ATP6V0A4: variants seen among roughly 807,000 people sequenced by gnomAD.
ATP6V0A4 encodes the protein V-type proton ATPase 116 kDa subunit a 4.
In ATP6V0A4, 86 loss-of-function variants were observed where a neutral mutation model predicts 107.3. The observed-to-expected ratio is 0.80, with a 90% confidence interval of 0.67 to 0.96. The LOEUF (loss-of-function observed/expected upper bound fraction) is 0.96. Ranked by LOEUF, ATP6V0A4 falls within the 40% of genes least tolerant of loss-of-function variation. The pLI is 0.00. For missense variants in ATP6V0A4, 908 were observed against 1,045.6 expected, an observed-to-expected ratio of 0.87 and a Z score of 1.81; for synonymous variants, 353 against 381.4, an observed-to-expected ratio of 0.93 and a Z score of 0.87.
At chr7:138,747,183 T>C (rs567934258) in intron 13 of ATP6V0A4, among the ~76,000 whole-genome samples, 1 of 152,022 alleles carries the variant, frequency 6.6e-6, no homozygotes, top group East Asian at 1.9e-4. Context: ...AAATATATAA[T>C]GAAAAAGAAA....
intron 8 of ATP6V0A4, 160 bp from the exon 9 acceptor site, chr7:138,756,700 G>T: frequency 3.5e-6 from 2 of 575,674 alleles, no homozygotes; most frequent in Non-Finnish European, 4.4e-6. Flanking sequence ...ATAGCTCACA[G>T]TTGAGAGCAA....
At chr7:138,792,778 G>GTTTTTTTTTTTT in intron 1 of ATP6V0A4, among the ~76,000 whole-genome samples, 1 of 48,040 alleles carries the variant, frequency 2.1e-5, no homozygotes, top group Middle Eastern at 7.9e-3. Flanking sequence ...TTTTTTTTTT[G>GTTTTTTTTTTTT]TTGTTTTGTT....
At chr7:138,747,198 G>A (rs1323893181) in intron 13 of ATP6V0A4, among the ~76,000 whole-genome samples, 2 of 152,020 alleles carry the variant, frequency 1.3e-5, no homozygotes, top group Non-Finnish European at 2.9e-5. Context: ...AAGAAAAATC[G>A]ATGCCTTATC....
At position 138,798,083 on chromosome 7, in the gene ATP6V0A4, G is replaced by T. The variant is rs754754948; in HGVS notation, c.-170C>A. On this transcript the variant is annotated 5_prime_UTR_variant, in exon 1 of 22. Transcript: ENST00000310018. ...CCGCAGGACCGGCTCACCTGCACCG[G>T]GCACTCAGCACAGCCTCCAGCATGC... The T allele has an allele frequency of 3.2e-6, 5 of 1,585,908 alleles. No homozygotes were observed. The highest frequency in any genetic ancestry group is 4.3e-6 in the Non-Finnish European group (5 of 1,166,720).
intron 8 of ATP6V0A4, among the ~76,000 whole-genome samples, chr7:138,757,398 C>T (rs1305556157): frequency 3.3e-5 from 5 of 152,038 alleles, no homozygotes; most frequent in Non-Finnish European, 7.4e-5. Context: ...CACCTGTGGT[C>T]CCAGCTACCA....
intron 2 of ATP6V0A4, among the ~76,000 whole-genome samples, chr7:138,780,728 G>A (rs547101552): frequency 3.1e-3 from 476 of 152,068 alleles, no homozygotes; most frequent in African/African-American, 0.01. Flanking sequence ...ACATAGTGAG[G>A]CCTCATCTCT....
chr7:138,759,052 A>ATTTTTT (rs33940158), intron 8 of ATP6V0A4, among the ~76,000 whole-genome samples: 19 of 54,568 alleles, frequency 3.5e-4, no homozygotes, highest in African/African-American at 1.6e-3. Context: ...TGCCCAGCCT[A>ATTTTTT]TTTTTTTTTT....
rs1459210964 is a variant in ATP6V0A4, at chr7:138,773,145, C to T, written c.-17-1881G>A. Among the ~76,000 whole-genome samples the T allele has an allele frequency of 6.6e-6, 1 of 152,198 alleles. No homozygotes were observed. The highest frequency in any genetic ancestry group is 1.5e-5 in the Non-Finnish European group (1 of 68,034). On this transcript the variant is annotated intron_variant, in intron 2 of 21. Transcript: ENST00000310018. This position sits in a 1 kb window ranked among gnomAD's most constrained non-coding sequence, Gnocchi z 5.4. ...GCTCGATACTGGGCCTACCCATTGTCCCAGTTTCACACAGGACCAACTCTA... is the reference window on the plus strand; with the variant it reads ...GCTCGATACTGGGCCTACCCATTGTTCCAGTTTCACACAGGACCAACTCTA...
chr7:138,722,049 G>A (rs1314244579), intron 18 of ATP6V0A4, 24 bp from the exon 19 acceptor site: 1 of 1,613,798 alleles, frequency 6.2e-7, no homozygotes. Context: ...GGGAAATGAG[G>A]AATGCGCTCA....
chr7:138,718,596 G>GAATGGGGAGC (rs1804254114), intron 19 of ATP6V0A4, among the ~76,000 whole-genome samples: 1 of 95,230 alleles, frequency 1.1e-5, no homozygotes, highest in Non-Finnish European at 2.0e-5. Flanking sequence ...GAATGGGGAG[G>GAATGGGGAGC]AATGGGGAGG....
At chr7:138,749,019 T>C (rs1462808202) in intron 12 of ATP6V0A4, 148 bp downstream of exon 12, 8 of 1,067,200 alleles carry the variant, frequency 7.5e-6, no homozygotes, top group Non-Finnish European at 9.9e-6. Flanking sequence ...GCCCCTACTA[T>C]CCTACTTATT....
chr7:138,715,152 G>A (rs192693602), intron 20 of ATP6V0A4, among the ~76,000 whole-genome samples: 13 of 152,316 alleles, frequency 8.5e-5, no homozygotes, highest in African/African-American at 3.1e-4. Flanking sequence ...TTGATTTTAG[G>A]ACTCTGGCTT....
In ATP6V0A4 at chr7:138,706,482, C is replaced by T. The variant is rs1037724632; in HGVS notation, c.*142G>A. 48 of 1,030,996 alleles carry T rather than the reference C, an allele frequency of 4.7e-5. 1 individual carries two copies. The Admixed American group carries it at 7.9e-4, about 17-fold the overall frequency. 63.9% of individuals were successfully genotyped at this position (1,030,996 alleles called of 1,614,324 possible). ...AAGTCGTATCAAATCCACAGGCTGA[C>T]GTCCAAATAATACACAGTTTCATGC... On this transcript the variant is annotated 3_prime_UTR_variant, in exon 22 of 22. Coordinates refer to ENST00000310018, the MANE Select transcript of ATP6V0A4 (RefSeq NM_020632.3).
chr7:138,739,439 T>G, intron 15 of ATP6V0A4, 101 bp downstream of exon 15: 1 of 1,405,690 alleles, frequency 7.1e-7, no homozygotes, highest in Admixed American at 1.9e-5. Context: ...TCAACACAAG[T>G]TTGTTGATTT....
At chr7:138,740,356 C>T (rs915502170) in intron 14 of ATP6V0A4, among the ~76,000 whole-genome samples, 3 of 151,828 alleles carry the variant, frequency 2.0e-5, no homozygotes, top group African/African-American at 7.3e-5. Flanking sequence ...AACATGTAGC[C>T]CATTGTATGT....
At chr7:138,730,566 G>C (rs1290175545) in intron 17 of ATP6V0A4, among the ~76,000 whole-genome samples, 4 of 152,074 alleles carry the variant, frequency 2.6e-5, no homozygotes, top group Non-Finnish European at 4.4e-5. Flanking sequence ...TAATGCTTTT[G>C]AATGGAAAAA....
At chr7:138,753,433 T>C (rs78137471) in intron 10 of ATP6V0A4, among the ~76,000 whole-genome samples, 1,682 of 152,264 alleles carry the variant, frequency 0.011, 32 homozygotes, top group African/African-American at 0.037. Context: ...TCCAGAACCA[T>C]GACAGAATAA....
chr7:138,707,350 AATAT>A (rs1181535822), intron 21 of ATP6V0A4, among the ~76,000 whole-genome samples: 2 of 90,394 alleles, frequency 2.2e-5, no homozygotes, highest in Non-Finnish European at 4.0e-5. Flanking sequence ...TATATATTAT[AATAT>A]ATATTATATT....
chr7:138,781,421 C>G (rs1009145571), intron 2 of ATP6V0A4, among the ~76,000 whole-genome samples: 34 of 152,124 alleles, frequency 2.2e-4, no homozygotes, highest in African/African-American at 8.0e-4. Flanking sequence ...GCCTCCACCT[C>G]CTGGGTTCAA....
Sources: gnomAD v4.1 joint callset for allele counts (sites outside exome capture counted in the v4.1 genomes callset) on GRCh38, gnomAD v4.1.1 for gene constraint, Gnocchi (gnomAD v3.1) non-coding constraint, MANE v1.5 for transcripts, NCBI Gene and HGNC (gene_info 2026-07-23, HGNC 2026-07-21) for gene names.